Variants in UCHL3 observed in about 807,000 individuals in gnomAD.
The protein encoded by UCHL3 is ubiquitin carboxyl-terminal hydrolase isozyme L3.
Under a neutral mutation model 35.8 loss-of-function variants are expected in UCHL3, and 22 were observed. The observed-to-expected ratio is 0.61, with a 90% CI of 0.44 to 0.88. The LOEUF is 0.88. Ranked by LOEUF, UCHL3 falls within the 40% of genes least tolerant of loss-of-function variation. The pLI, the probability that UCHL3 is intolerant of heterozygous loss-of-function variation, is 0.00. For synonymous variants in UCHL3, 90 were observed against 92.8 expected (o/e 0.97, Z 0.17); for missense variants, 229 against 276.9 (o/e 0.83, Z 1.23).
At chr13:75,595,867 A>G (rs1227198011) in intron 7 of UCHL3, among the ~76,000 whole-genome samples, 1 of 151,942 alleles carries the variant, frequency 6.6e-6, no homozygotes, top group Non-Finnish European at 1.5e-5. Flanking sequence ...CTCAGACAGA[A>G]TAAACTTCTT....
At chr13:75,559,030 CTTTTTTTTTT>C (rs34100020) in intron 2 of UCHL3, among the ~76,000 whole-genome samples, 660 of 64,348 alleles carry the variant, frequency 0.01, 11 homozygotes, top group African/African-American at 0.041. Context: ...GCCCCGGACT[CTTTTTTTTTT>C]TTTTTTTTTT....
chr13:75,567,316 G>A lies in UCHL3; in HGVS notation c.426+4G>A, dbSNP rs770765532. ...CAGATACCTGGAGAACTATGATGTC[G>A]GTACCTTCTTTCCGTTTTGATCTCA... On this transcript the variant is annotated splice_donor_region_variant and intron_variant, in intron 5 of 8. Transcript: ENST00000377595. 18 of 1,613,594 alleles carry A rather than the reference G, an allele frequency of 1.1e-5. No individual in the cohort carries two copies. Among genetic ancestry groups the A allele is most frequent in the East Asian group, 2.2e-5 (1 of 44,868 alleles).
At chr13:75,592,446 A>ATACATATG (rs36133915) in intron 6 of UCHL3, among the ~76,000 whole-genome samples, 1 of 71,072 alleles carries the variant, frequency 1.4e-5, no homozygotes, top group Non-Finnish European at 3.2e-5. Context: ...ATATATATAT[A>ATACATATG]TATATATATA....
chr13:75,597,170 G>A (rs946602580), intron 7 of UCHL3, among the ~76,000 whole-genome samples: 3 of 152,182 alleles, frequency 2.0e-5, no homozygotes, highest in Non-Finnish European at 4.4e-5. Context: ...AGCAAGAAGA[G>A]TATTGAGTTA....
At chr13:75,559,339 C>T (rs1275031446) in intron 2 of UCHL3, among the ~76,000 whole-genome samples, 1 of 152,166 alleles carries the variant, frequency 6.6e-6, no homozygotes, top group Non-Finnish European at 1.5e-5. Flanking sequence ...CGCGCCCGGC[C>T]CTCAGCCCCG....
chr13:75,584,883 G>A (rs1015425919), intron 6 of UCHL3, among the ~76,000 whole-genome samples: 4 of 151,986 alleles, frequency 2.6e-5, no homozygotes, highest in African/African-American at 9.7e-5. Flanking sequence ...TGAATGTGAA[G>A]ATAAATCACT....
At chr13:75,601,975 G>A (rs574510994) in intron 7 of UCHL3, among the ~76,000 whole-genome samples, 1 of 152,154 alleles carries the variant, frequency 6.6e-6, no homozygotes, top group South Asian at 2.1e-4. Flanking sequence ...TGGGTGTGGT[G>A]GTGGGTGCCT....
Position 75,600,525 on chromosome 13 carries a change from T to G in UCHL3, c.551-4244T>G, listed in dbSNP as rs567126426. 3.4e-3 allele frequency among the ~76,000 whole-genome samples: 525 copies of G among 152,322 alleles called. 1 individual carries two copies. The highest frequency in any genetic ancestry group is 5.7e-3 in the Non-Finnish European group (389 of 68,030). On this transcript the variant is annotated intron_variant, in intron 7 of 8. Transcript: ENST00000377595. ...AGAATGATGCTAAATCTTCTCTGCC[T>G]ATGTTCTATAAATGGAACAACAGAG...
upstream of UCHL3, chr13:75,549,768 CGGCGGCGGCGAA>C (rs943634656): frequency 1.8e-4 from 188 of 1,050,302 alleles, 1 homozygote; most frequent in Non-Finnish European, 2.1e-4. Flanking sequence ...GCGGAAGCGG[CGGCGGCGGCGAA>C]GGCGGCGGCT....
At chr13:75,596,353 A>G (rs867615052) in intron 7 of UCHL3, among the ~76,000 whole-genome samples, 9 of 152,306 alleles carry the variant, frequency 5.9e-5, no homozygotes, top group Non-Finnish European at 1.3e-4. Flanking sequence ...GACCTCCAGG[A>G]CAGTTTTGAA....
intron 6 of UCHL3, among the ~76,000 whole-genome samples, chr13:75,587,114 G>A (rs1229708829): frequency 4.0e-5 from 6 of 151,486 alleles, no homozygotes; most frequent in Non-Finnish European, 8.8e-5. Context: ...CATTACTGTA[G>A]TAGAGGTCCT....
Position 75,585,153 on chromosome 13 carries a change from A to G in UCHL3, c.475-9762A>G, listed in dbSNP as rs79624821. On this transcript the variant is annotated intron_variant, in intron 6 of 8. Transcript: ENST00000377595. ...CAAAAATAATTACAGACATCAAACC[A>G]CAGCTTCAGGAATCTCAGAGACACT... Among the ~76,000 whole-genome samples, 1,017 of 152,280 alleles carry G rather than the reference A, an allele frequency of 6.7e-3. 9 individuals are homozygous for G. The highest frequency in any genetic ancestry group is 0.022 in the African/African-American group (925 of 41,574).
rs747751143 is a variant in UCHL3, at chr13:75,566,795, G to A, written c.284G>A (p.Cys95Tyr). Residue 95 changes from cysteine (C) to tyrosine (Y), a missense_variant, in exon 4 of 9, where the codon TGT becomes TAT. Cys to Tyr is a radical substitution (Grantham distance 194). Transcript: ENST00000377595. ...YFMKQTISNA[C>Y]GTIGLIHAIA... is the part of the protein sequence containing the mutation. ...ATGAAGCAAACAATCAGCAATGCCT[G>A]TGGAACAATTGGACTGATTCATGCT... The A allele has an allele frequency of 6.2e-7, 1 of 1,611,328 alleles. No homozygotes were observed. Among genetic ancestry groups the A allele is most frequent in the Non-Finnish European group, 8.5e-7 (1 of 1,179,142 alleles).
intron 5 of UCHL3, 97 bp from the exon 6 acceptor site, chr13:75,569,363 T>C (rs1330630256): frequency 3.4e-6 from 3 of 881,266 alleles, no homozygotes; most frequent in Non-Finnish European, 5.3e-6. Context: ...GTTGTTTCTT[T>C]AGAAGACTTT....
chr13:75,592,444 A>G (rs1018926693), intron 6 of UCHL3, among the ~76,000 whole-genome samples: 17 of 108,792 alleles, frequency 1.6e-4, no homozygotes, highest in African/African-American at 2.8e-4. Context: ...ATATATATAT[A>G]TATATATATA....
At chr13:75,602,933 C>T (rs1164312287) in intron 7 of UCHL3, among the ~76,000 whole-genome samples, 1 of 152,112 alleles carries the variant, frequency 6.6e-6, no homozygotes, top group African/African-American at 2.4e-5. Context: ...TTACTTTAAA[C>T]AGCTGCATTC....
chr13:75,578,104 C>T lies in UCHL3; in HGVS notation c.474+8597C>T, dbSNP rs1359029649. Among the ~76,000 whole-genome samples, 3 of 152,066 alleles carry T rather than the reference C, an allele frequency of 2.0e-5. No individual in the cohort carries two copies. In the East Asian group the frequency reaches 5.8e-4, roughly 29 times the overall value. On this transcript the variant is annotated intron_variant, in intron 6 of 8. Transcript: ENST00000377595. ...ATTTGCTACCATTCTTTTTTTAGTA[C>T]ATTTTAAGAACAGTTGAGATCAAGC...
chr13:75,602,434 C>T (rs191644406), intron 7 of UCHL3, among the ~76,000 whole-genome samples: 36 of 152,280 alleles, frequency 2.4e-4, no homozygotes, highest in Non-Finnish European at 4.4e-4. Context: ...TGGCACAGCC[C>T]GTTTGGACTG....
upstream of UCHL3, chr13:75,549,789 C>A: frequency 6.7e-7 from 1 of 1,486,918 alleles, no homozygotes; most frequent in Non-Finnish European, 8.8e-7. Flanking sequence ...AAGGCGGCGG[C>A]TGTCAGAGCT....
Sources: allele counts gnomAD v4.1 joint callset (sites outside exome capture counted in the v4.1 genomes callset), GRCh38; gene constraint gnomAD v4.1.1; transcripts MANE v1.5; gene names NCBI Gene and HGNC (gene_info 2026-07-23, HGNC 2026-07-21).